The following OGFOD2 variants were observed in gnomAD, a reference collection of about 807,000 sequenced individuals.
OGFOD2 encodes the protein 2-oxoglutarate and iron dependent oxygenase domain containing 2, also known as 2-oxoglutarate and iron-dependent oxygenase domain-containing protein 2.
In OGFOD2, 34 loss-of-function variants were observed where a neutral mutation model predicts 31.1. That is an observed-to-expected ratio of 1.09 (90% CI 0.83 to 1.45). The LOEUF (loss-of-function observed/expected upper bound fraction) is 1.45, where lower values mean the gene tolerates loss of function less well. OGFOD2 is among the 40% of genes most tolerant of loss of function. The pLI, the probability that OGFOD2 is intolerant of heterozygous loss-of-function variation, is 0.00. For synonymous variants in OGFOD2, 240 were observed against 192.3 expected (o/e 1.25, Z -2.05); for missense variants, 537 against 433.9 (o/e 1.24, Z -2.11).
chr12:122,979,751 T>G, exon 7 of OGFOD2: 1 of 215,846 alleles, frequency 4.6e-6, no homozygotes, highest in Admixed American at 5.2e-5. Flanking sequence ...CAGGGTGCCT[T>G]CCAGTAGCCA....
In OGFOD2 at chr12:122,978,869, C is replaced by CCACCGGGCCTTTGTGGT; in HGVS notation, c.651_667dup (p.Lys223ThrfsTer52). 1.9e-6 allele frequency: 3 copies of CCACCGGGCCTTTGTGGT among 1,611,780 alleles called. No homozygotes were observed. The highest frequency in any genetic ancestry group is 2.5e-6 in the Non-Finnish European group (3 of 1,179,574). ...ACTGTGGCGGGGGCCGGCTCGACAG[C>CCACCGGGCCTTTGTGGT]CACCGGGCCTTTGTGGTCAAATACG... is the stretch of plus-strand genomic sequence containing the variant. On this transcript the variant is annotated frameshift_variant, in exon 6 of 7. Coordinates refer to ENST00000228922, the Ensembl canonical transcript of OGFOD2. LOFTEE classifies it high-confidence loss of function.
intron 2 of OGFOD2, chr12:122,976,103 G>A (rs2037419255): frequency 1.7e-6 from 1 of 595,296 alleles, no homozygotes; most frequent in Non-Finnish European, 3.0e-6. Flanking sequence ...AGCTCTGTGA[G>A]ATAAGCACAA....
At chr12:122,976,350 CAG>C in intron 2 of OGFOD2, 2 of 1,612,628 alleles carry the variant, frequency 1.2e-6, no homozygotes, top group Non-Finnish European at 8.5e-7. Flanking sequence ...CTCTGGAACA[CAG>C]GACTTGGCCA....
chr12:122,975,306 G>T, exon 1 of OGFOD2: 1 of 701,840 alleles, frequency 1.4e-6, no homozygotes, highest in Non-Finnish European at 2.6e-6. Flanking sequence ...CTTCTGCACC[G>T]ATAACTTGTA....
intron 4 of OGFOD2, 94 bp from the exon 5 acceptor site, chr12:122,978,348 T>A: frequency 6.6e-7 from 1 of 1,505,950 alleles, no homozygotes; most frequent in Non-Finnish European, 9.1e-7. Context: ...AGGCCTCATC[T>A]CCATGGCACA....
At chr12:122,976,817 G>T in intron 3 of OGFOD2, 50 bp downstream of exon 3, 3 of 1,598,326 alleles carry the variant, frequency 1.9e-6, no homozygotes, top group Non-Finnish European at 2.6e-6. Flanking sequence ...AGAGGAGGTA[G>T]CATCCAGGGC....
chr12:122,977,285 G>A (rs1455185169), intron 4 of OGFOD2: 3 of 393,170 alleles, frequency 7.6e-6, no homozygotes, highest in African/African-American at 6.2e-5. Flanking sequence ...ATCTTAAAGG[G>A]ACCATTGAGA....
chr12:122,976,284 C>T (rs779792182), intron 2 of OGFOD2: 8 of 1,278,792 alleles, frequency 6.3e-6, no homozygotes, highest in Admixed American at 5.3e-5. Flanking sequence ...CCACTCCCTC[C>T]TCCTCCTTCC....
chr12:122,977,143 C>A (rs2037459224), intron 4 of OGFOD2, 173 bp downstream of exon 4: 1 of 678,960 alleles, frequency 1.5e-6, no homozygotes, highest in Non-Finnish European at 2.7e-6. Flanking sequence ...CGCATTCATT[C>A]ATTCAATACC....
rs900438066 is a variant in OGFOD2 at position 122,975,556 on chromosome 12, C to T, written c.132+173C>T. On this transcript the variant is annotated intron_variant, in intron 1 of 6. Coordinates refer to ENST00000228922, the Ensembl canonical transcript of OGFOD2. Reference sequence around the variant, plus strand: ...TCACCGTAAAGGGGTAATAGTATCTCCCTGTGAGATTGTGAGGAAGGAATG... The same window carrying T: ...TCACCGTAAAGGGGTAATAGTATCTTCCTGTGAGATTGTGAGGAAGGAATG... 2.0e-5 allele frequency: 12 copies of T among 592,868 alleles called. No individual in the cohort carries two copies. The East Asian group carries it at 3.3e-4, about 16-fold the overall frequency. The allele number at this position is 592,868 out of a possible 1,614,324, so 36.7% of individuals were successfully genotyped here.
At chr12:122,976,885 C>T (rs1321254491) in exon 4 of OGFOD2, 2 of 1,607,288 alleles carry the variant, frequency 1.2e-6, no homozygotes, top group South Asian at 1.1e-5. Context: ...CAGCTCTGGC[C>T]CCCGAGTTCC....
At chr12:122,979,537 C>G (rs2037552803) in exon 7 of OGFOD2, 1 of 714,702 alleles carries the variant, frequency 1.4e-6, no homozygotes, top group African/African-American at 1.8e-5. Context: ...AATGGGGCTT[C>G]AGCGAGGGAG....
chr12:122,979,699 C>T, exon 7 of OGFOD2: 1 of 283,366 alleles, frequency 3.5e-6, no homozygotes, highest in Non-Finnish European at 6.7e-6. Context: ...GATGAGGGGG[C>T]CAGAGAGGAG....
intron 5 of OGFOD2, 83 bp downstream of exon 5, chr12:122,978,652 GC>G: frequency 6.3e-7 from 1 of 1,588,834 alleles, no homozygotes; most frequent in African/African-American, 1.3e-5. Flanking sequence ...TGGGCTGCCT[GC>G]CCGGGCTGCG....
chr12:122,978,240 T>C, intron 4 of OGFOD2: 1 of 591,664 alleles, frequency 1.7e-6, no homozygotes, highest in Non-Finnish European at 2.9e-6. Context: ...TTGTAGAGTC[T>C]GGGGAAAGGT....
At chr12:122,978,723 T>C in intron 5 of OGFOD2, 30 bp from the exon 6 acceptor site, 1 of 1,597,654 alleles carries the variant, frequency 6.3e-7, no homozygotes, top group Non-Finnish European at 8.5e-7. Context: ...CCCTCTAGTT[T>C]CCTTGCTGAC....
chr12:122,976,321 C>A, intron 2 of OGFOD2: 1 of 1,577,246 alleles, frequency 6.3e-7, no homozygotes, highest in Non-Finnish European at 8.7e-7. Context: ...GGAAGCTTCC[C>A]AGGAGAGTCC....
chr12:122,977,390 G>A (rs1345954918), intron 4 of OGFOD2: 2 of 280,072 alleles, frequency 7.1e-6, no homozygotes, highest in Non-Finnish European at 1.4e-5. Context: ...CTGGAGTTGT[G>A]GCTCTGGGCG....
chr12:122,975,209 G>T, upstream of OGFOD2: 1 of 566,720 alleles, frequency 1.8e-6, no homozygotes, highest in South Asian at 2.0e-5. Context: ...GGGCGTGCCC[G>T]AAGTCTCTCT....
Sources: gnomAD v4.1 joint callset for allele counts on GRCh38, gnomAD v4.1.1 for gene constraint, MANE v1.5 for transcripts, NCBI Gene and HGNC (gene_info 2026-07-23, HGNC 2026-07-21) for gene names.